FNDC1: variants seen among roughly 807,000 people sequenced by gnomAD.
The protein encoded by FNDC1 is fibronectin type III domain-containing protein 1.
Under a neutral mutation model 168.0 loss-of-function variants are expected in FNDC1, and 96 were observed. That is an observed-to-expected ratio of 0.57 (90% confidence interval 0.48 to 0.68). The LOEUF (loss-of-function observed/expected upper bound fraction) is 0.68. Among genes scored for constraint, FNDC1 ranks in the 30% least tolerant of loss-of-function variants. The probability of loss-of-function intolerance (pLI) is 0.00; values close to 1 mark genes in which losing one functional copy is unlikely to be tolerated. For synonymous variants in FNDC1, 1,099 were observed against 1,025.9 expected, an observed-to-expected ratio of 1.07 and a Z score of -1.36; for missense variants, 2,587 against 2,482.1, an observed-to-expected ratio of 1.04 and a Z score of -0.90.
chr6:159,269,560 A>ATCCATCCG (rs1777692484), intron 22 of FNDC1, among the ~76,000 whole-genome samples: 1 of 149,434 alleles, frequency 6.7e-6, no homozygotes, highest in Non-Finnish European at 1.5e-5. Context: ...CCATCCATCC[A>ATCCATCCG]TCCATCCATC....
intron 15 of FNDC1, among the ~76,000 whole-genome samples, chr6:159,248,816 G>C (rs1777192467): frequency 6.6e-6 from 1 of 152,062 alleles, no homozygotes; most frequent in African/African-American, 2.4e-5. Context: ...TCTTTCTTCT[G>C]TCTGCAGCTT....
intron 1 of FNDC1, 99 bp from the exon 2 acceptor site, chr6:159,197,332 C>G (rs955347460): frequency 8.8e-7 from 1 of 1,137,128 alleles, no homozygotes; most frequent in African/African-American, 1.6e-5. Context: ...ACTGATTAAA[C>G]GTCATTTACT....
chr6:159,233,341 C>T lies in FNDC1; in HGVS notation c.2829C>T (p.Ser943=), dbSNP rs1248342438. ...ATACACATCCTCAGGGCAAGTACTC[C>T]TCCCTGGCCTCCAAGGCTCAGGATG... ...GADTHPQGKY[S]SLASKAQDVQ... Residue 943 remains serine, a synonymous_variant, in exon 11 of 23, where the codon TCC becomes TCT. Coordinates refer to ENST00000297267, the MANE Select transcript of FNDC1 (RefSeq NM_032532.3). The surrounding 1 kb of genome is among the most constrained non-coding windows in gnomAD (Gnocchi z 4.6). The T allele has an allele frequency of 1.2e-6, 2 of 1,613,956 alleles. No individual in the cohort carries two copies. The highest frequency in any genetic ancestry group is 2.2e-5 in the South Asian group (2 of 91,078).
At chr6:159,231,447 T>G (rs1372231968) in intron 10 of FNDC1, among the ~76,000 whole-genome samples, 4 of 152,374 alleles carry the variant, frequency 2.6e-5, no homozygotes, top group African/African-American at 7.2e-5. Context: ...GTATAGATTA[T>G]TCAGCAATTT....
At chr6:159,208,055 C>T (rs773505856) in intron 4 of FNDC1, among the ~76,000 whole-genome samples, 6 of 152,320 alleles carry the variant, frequency 3.9e-5, no homozygotes, top group South Asian at 4.1e-4. Flanking sequence ...TAAAGCACCA[C>T]GAGATGGATC....
intron 1 of FNDC1, among the ~76,000 whole-genome samples, chr6:159,180,516 G>A (rs1254913894): frequency 1.3e-5 from 2 of 151,994 alleles, no homozygotes; most frequent in African/African-American, 4.8e-5. Flanking sequence ...TGCAGGATGT[G>A]CAGGTTTGTT....
chr6:159,249,215 G>T, intron 16 of FNDC1, 33 bp downstream of exon 16: 2 of 1,576,830 alleles, frequency 1.3e-6, no homozygotes, highest in Admixed American at 1.9e-5. Context: ...GAGAAACATG[G>T]GTTTTTAACT....
At chr6:159,196,087 A>C (rs1782235755) in intron 1 of FNDC1, among the ~76,000 whole-genome samples, 1 of 152,232 alleles carries the variant, frequency 6.6e-6, no homozygotes, top group Non-Finnish European at 1.5e-5. Context: ...GCTAATTTTA[A>C]ATGCCTAGAA....
chr6:159,183,283 A>G (rs1196281071), intron 1 of FNDC1, among the ~76,000 whole-genome samples: 3 of 152,128 alleles, frequency 2.0e-5, no homozygotes, highest in Non-Finnish European at 1.5e-5. Context: ...GAGGAGAAAA[A>G]TGGGTTCTTT....
At chr6:159,238,741 C>G (rs1223785599) in intron 13 of FNDC1, 76 bp downstream of exon 13, 2 of 981,892 alleles carry the variant, frequency 2.0e-6, no homozygotes, top group South Asian at 3.3e-5. Flanking sequence ...CTTCCTTCTC[C>G]CCCTCATTTA....
chr6:159,176,565 G>A (rs1051511535), intron 1 of FNDC1, among the ~76,000 whole-genome samples: 2 of 152,224 alleles, frequency 1.3e-5, no homozygotes, highest in African/African-American at 2.4e-5. Flanking sequence ...TGCTGCACAC[G>A]TGAAGTCATG....
rs2114948726 is a variant in FNDC1, at chr6:159,199,986, T to A, written c.305-10T>A. On this transcript the variant is annotated splice_polypyrimidine_tract_variant and intron_variant, in intron 2 of 22. Transcript: ENST00000297267. ...TGAATTGGTGGCTTGATATGAACCG[T>A]ATGTTTCAGAGCCGGGGGTAGTGTA... 3 of 1,598,038 alleles carry A rather than the reference T, an allele frequency of 1.9e-6. No individual in the cohort carries two copies. Among genetic ancestry groups the A allele is most frequent in the African/African-American group, 1.3e-5 (1 of 74,834 alleles).
chr6:159,202,003 G>T (rs1034205063), intron 4 of FNDC1, among the ~76,000 whole-genome samples: 4 of 152,170 alleles, frequency 2.6e-5, no homozygotes, highest in African/African-American at 9.7e-5. Flanking sequence ...GAAACCCTGG[G>T]GACCAGGGAT....
At chr6:159,235,587 T>C (rs897293479) in intron 11 of FNDC1, among the ~76,000 whole-genome samples, 1 of 152,190 alleles carries the variant, frequency 6.6e-6, no homozygotes, top group Non-Finnish European at 1.5e-5. Flanking sequence ...GAGCGGTCAA[T>C]GCTGGACCAG....
At chr6:159,250,607 T>A (rs1191471171) in intron 16 of FNDC1, among the ~76,000 whole-genome samples, 1 of 152,202 alleles carries the variant, frequency 6.6e-6, no homozygotes, top group African/African-American at 2.4e-5. Context: ...TAGTGGGTAC[T>A]CTCAGCGTTG....
intron 19 of FNDC1, 69 bp from the exon 20 acceptor site, chr6:159,264,906 T>C: frequency 7.4e-7 from 1 of 1,351,290 alleles, no homozygotes; most frequent in Non-Finnish European, 1.0e-6. Flanking sequence ...TCAGTTACAC[T>C]AACCATTTAA....
At chr6:159,239,367 G>C in intron 13 of FNDC1, 150 bp from the exon 14 acceptor site, 1 of 647,406 alleles carries the variant, frequency 1.5e-6, no homozygotes, top group Non-Finnish European at 2.5e-6. Flanking sequence ...GGATCGTGGA[G>C]CATACTGATG....
intron 1 of FNDC1, among the ~76,000 whole-genome samples, chr6:159,171,648 T>C (rs1174789575): frequency 6.6e-6 from 1 of 152,144 alleles, no homozygotes; most frequent in Non-Finnish European, 1.5e-5. Context: ...CAATTAAACA[T>C]AAAACAAAAT....
chr6:159,267,792 T>G lies in FNDC1; in HGVS notation c.5447-12T>G, dbSNP rs751300011. 6.2e-7 allele frequency: 1 copy of G among 1,613,412 alleles called. No homozygotes were observed. The highest frequency in any genetic ancestry group is 1.1e-5 in the South Asian group (1 of 90,946). ...GTACCTAGTCATGGACTCAATCAATTCCTTCATGCAGATACATTCTACAGC... is the reference window on the plus strand; with the variant it reads ...GTACCTAGTCATGGACTCAATCAATGCCTTCATGCAGATACATTCTACAGC... On this transcript the variant is annotated splice_polypyrimidine_tract_variant and intron_variant, in intron 21 of 22. Coordinates refer to ENST00000297267, the MANE Select transcript of FNDC1 (RefSeq NM_032532.3).
Sources: gnomAD v4.1 joint callset for allele counts (sites outside exome capture counted in the v4.1 genomes callset) on GRCh38, gnomAD v4.1.1 for gene constraint, Gnocchi (gnomAD v3.1) non-coding constraint, MANE v1.5 for transcripts, NCBI Gene and HGNC (gene_info 2026-07-23, HGNC 2026-07-21) for gene names.